The following STAC variants were observed in gnomAD, a reference collection of about 807,000 sequenced individuals.
The protein encoded by STAC is SH3 and cysteine-rich domain-containing protein.
Under a neutral mutation model 48.8 loss-of-function variants are expected in STAC, and 43 were observed. The observed-to-expected ratio is 0.88, with a 90% CI of 0.69 to 1.14. The LOEUF (loss-of-function observed/expected upper bound fraction) is 1.14, where lower values mean the gene tolerates loss of function less well. STAC is among the 50% of genes most tolerant of loss of function. STAC has a pLI of 0.00. For synonymous variants in STAC, 193 were observed against 179.5 expected, an observed-to-expected ratio of 1.07 and a Z score of -0.60; for missense variants, 497 against 504.0, an observed-to-expected ratio of 0.99 and a Z score of 0.13.
At chr3:36,414,690 A>T (rs1180872227) in intron 1 of STAC, among the ~76,000 whole-genome samples, 1 of 152,178 alleles carries the variant, frequency 6.6e-6, no homozygotes, top group East Asian at 1.9e-4. Context: ...TTCTCTGTCC[A>T]GCTTTGTTCT....
chr3:36,422,285 A>T (rs1242455165), intron 1 of STAC, among the ~76,000 whole-genome samples: 7 of 152,248 alleles, frequency 4.6e-5, no homozygotes, highest in Middle Eastern at 3.4e-3. Flanking sequence ...AATCAAAATT[A>T]AAAAATAAAT....
intron 6 of STAC, 145 bp from the exon 7 acceptor site, chr3:36,504,248 C>A (rs12637657): frequency 0.11 from 73,338 of 689,466 alleles, 5,021 homozygotes; most frequent in East Asian, 0.28. Flanking sequence ...ACCACCTGAA[C>A]GCTGGGTCAC....
chr3:36,427,854 A>G (rs1253045733), intron 1 of STAC, among the ~76,000 whole-genome samples: 26 of 152,212 alleles, frequency 1.7e-4, no homozygotes, highest in Admixed American at 1.7e-3. Flanking sequence ...GGGACACAGC[A>G]TCACTTCTAT....
chr3:36,402,528 C>T (rs1396216910), intron 1 of STAC, among the ~76,000 whole-genome samples: 3 of 151,968 alleles, frequency 2.0e-5, no homozygotes, highest in Non-Finnish European at 4.4e-5. Context: ...TTGCTCAATG[C>T]TAAAGGCTCA....
chr3:36,542,460 T>C (rs371076002), intron 10 of STAC, among the ~76,000 whole-genome samples: 250 of 152,298 alleles, frequency 1.6e-3, no homozygotes, highest in African/African-American at 5.7e-3. Flanking sequence ...CATTAGTCCC[T>C]CCATCTCTCT....
rs559018271 is a variant in STAC, at chr3:36,440,563, G to T, written c.112-2801G>T. On this transcript the variant is annotated intron_variant, in intron 1 of 10. Transcript: ENST00000273183. The stretch of plus-strand genomic sequence containing the variant: ...GACAGAAGTATGCAAGGCCTCTTAA[G>T]GCCTGGGCTTGGAACTGCCTTAAAA... 5.3e-5 allele frequency among the ~76,000 whole-genome samples: 8 copies of T among 152,324 alleles called. No individual in the cohort carries two copies. The South Asian group carries it at 1.7e-3, about 32-fold the overall frequency.
intron 8 of STAC, among the ~76,000 whole-genome samples, chr3:36,514,640 A>G (rs563556762): frequency 6.6e-6 from 1 of 152,338 alleles, no homozygotes; most frequent in South Asian, 2.1e-4. Flanking sequence ...CATAGTAGAT[A>G]ATAATTATTT....
At chr3:36,534,818 A>G (rs1699161748) in intron 10 of STAC, among the ~76,000 whole-genome samples, 2 of 151,838 alleles carry the variant, frequency 1.3e-5, no homozygotes, top group African/African-American at 2.4e-5. Context: ...GGTGTGCACT[A>G]CCATGCCCAG....
intron 1 of STAC, among the ~76,000 whole-genome samples, chr3:36,418,762 C>A (rs1416111504): frequency 6.6e-6 from 1 of 151,922 alleles, no homozygotes; most frequent in Non-Finnish European, 1.5e-5. Context: ...AAATATTTAT[C>A]TTTGACCTGA....
intron 1 of STAC, among the ~76,000 whole-genome samples, chr3:36,432,657 C>T (rs1023810882): frequency 3.3e-5 from 5 of 151,382 alleles, no homozygotes; most frequent in African/African-American, 4.9e-5. Context: ...GAGCCAAGAT[C>T]GTGCCACTGC....
intron 1 of STAC, among the ~76,000 whole-genome samples, chr3:36,439,177 G>C (rs1397829379): frequency 2.6e-5 from 4 of 152,182 alleles, no homozygotes; most frequent in African/African-American, 9.6e-5. Flanking sequence ...CACAGAATCT[G>C]TGTGACCTTA....
chr3:36,472,754 CTGGA>C (rs1269876103), intron 2 of STAC, among the ~76,000 whole-genome samples: 4 of 152,348 alleles, frequency 2.6e-5, no homozygotes, highest in South Asian at 4.1e-4. Context: ...CCACCTCAGC[CTGGA>C]TCTTATTATC....
Position 36,443,677 on chromosome 3 carries a change from C to T in STAC, c.388+37C>T, listed in dbSNP as rs775736727. The T allele has an allele frequency of 1.3e-6, 2 of 1,596,468 alleles. No homozygotes were observed. Among genetic ancestry groups the T allele is most frequent in the Admixed American group, 1.7e-5 (1 of 59,800 alleles). On this transcript the variant is annotated intron_variant, in intron 2 of 10. Transcript: ENST00000273183. The surrounding 1 kb of genome is among the most constrained non-coding windows in gnomAD (Gnocchi z 4.2). Reference sequence around the variant, plus strand: ...CACCCCTTTCTCCAGATCCCAGCACCCCCGGAAAGCTGAGTGAGAGTGGTG... The same window carrying T: ...CACCCCTTTCTCCAGATCCCAGCACTCCCGGAAAGCTGAGTGAGAGTGGTG...
At position 36,484,463 on chromosome 3, in the gene STAC, C is replaced by G. The variant is rs563635898; in HGVS notation, c.490-514C>G. Among the ~76,000 whole-genome samples the G allele has an allele frequency of 1.5e-3, 221 of 152,330 alleles. 1 individual carries two copies. Among genetic ancestry groups the G allele is most frequent in the Non-Finnish European group, 2.2e-3 (152 of 68,034 alleles). ...GTGATTCCCATAAGCCAAGACAGAC[C>G]ATGAAGGAGAGGTCAGAAAAACAGA... On this transcript the variant is annotated intron_variant, in intron 3 of 10. Transcript: ENST00000273183.
At chr3:36,533,473 A>G (rs966267434) in intron 10 of STAC, among the ~76,000 whole-genome samples, 1 of 73,760 alleles carries the variant, frequency 1.4e-5, no homozygotes, top group Non-Finnish European at 2.5e-5. Context: ...TCTTGCTAGC[A>G]TGTTTTTTTT....
chr3:36,446,305 G>A (rs992239318), intron 2 of STAC, among the ~76,000 whole-genome samples: 4 of 152,190 alleles, frequency 2.6e-5, no homozygotes, highest in African/African-American at 7.2e-5. Context: ...GGAGACATGA[G>A]AGAAATAGGC....
intron 2 of STAC, among the ~76,000 whole-genome samples, chr3:36,463,690 G>T (rs908118002): frequency 3.6e-5 from 4 of 110,858 alleles, no homozygotes; most frequent in African/African-American, 7.5e-5. Context: ...ACAGGCCCCA[G>T]TGTGCGATGT....
intron 8 of STAC, chr3:36,506,304 C>G (rs1466412970): frequency 2.0e-5 from 3 of 152,258 alleles, no homozygotes; most frequent in Non-Finnish European, 4.4e-5. Context: ...GTTTTTGTAC[C>G]AGTACCATGC....
chr3:36,521,982 G>A (rs1559524061), intron 8 of STAC, among the ~76,000 whole-genome samples: 1 of 152,098 alleles, frequency 6.6e-6, no homozygotes, highest in Non-Finnish European at 1.5e-5. Flanking sequence ...CCAGATACTT[G>A]GGAGGCTGAG....
Sources: gnomAD v4.1 joint callset for allele counts (sites outside exome capture counted in the v4.1 genomes callset) on GRCh38, gnomAD v4.1.1 for gene constraint, Gnocchi (gnomAD v3.1) non-coding constraint, MANE v1.5 for transcripts, NCBI Gene and HGNC (gene_info 2026-07-23, HGNC 2026-07-21) for gene names.